ITGAV: variants seen among roughly 807,000 people sequenced by gnomAD.
The protein encoded by ITGAV is integrin alpha-V.
In ITGAV, 76 loss-of-function variants were observed where a neutral mutation model predicts 143.8. That is an observed-to-expected ratio of 0.53 (90% CI 0.44 to 0.64). The LOEUF (loss-of-function observed/expected upper bound fraction) is 0.64, where lower values mean the gene tolerates loss of function less well. Among genes scored for constraint, ITGAV ranks in the 30% least tolerant of loss-of-function variants. The probability of loss-of-function intolerance (pLI) is 0.00; values close to 1 mark genes in which losing one functional copy is unlikely to be tolerated. For synonymous variants in ITGAV, 453 were observed against 446.7 expected, an observed-to-expected ratio of 1.01 and a Z score of -0.18; for missense variants, 1,193 against 1,274.7, an observed-to-expected ratio of 0.94 and a Z score of 0.98.
chr2:186,667,296 C>G, intron 23 of ITGAV, 66 bp downstream of exon 23: 1 of 1,227,510 alleles, frequency 8.1e-7, no homozygotes, highest in East Asian at 2.3e-5. Flanking sequence ...ACTGTCAGGC[C>G]TTAGCCTTTT....
chr2:186,672,790 A>T (rs1168877951), intron 26 of ITGAV, among the ~76,000 whole-genome samples: 1 of 152,152 alleles, frequency 6.6e-6, no homozygotes, highest in Non-Finnish European at 1.5e-5. Context: ...GTTGAGTTGC[A>T]AAGAGTTATT....
intron 2 of ITGAV, among the ~76,000 whole-genome samples, chr2:186,609,004 A>G (rs1283551747): frequency 2.0e-5 from 3 of 152,106 alleles, no homozygotes; most frequent in Non-Finnish European, 4.4e-5. Flanking sequence ...CATTTTATAG[A>G]GATTTAAAAC....
At chr2:186,596,075 C>T (rs568780107) in intron 1 of ITGAV, among the ~76,000 whole-genome samples, 19 of 152,214 alleles carry the variant, frequency 1.2e-4, no homozygotes, top group Non-Finnish European at 1.2e-4. Flanking sequence ...GTTTTCAGGA[C>T]GAAGATGATA....
chr2:186,654,271 T>C (rs1245839448), intron 15 of ITGAV, among the ~76,000 whole-genome samples: 1 of 150,484 alleles, frequency 6.6e-6, no homozygotes, highest in South Asian at 2.1e-4. Flanking sequence ...AGGCAGAGGT[T>C]GCAGTGAGCC....
rs186046975 is a variant in ITGAV at position 186,602,265 on chromosome 2, T to G, written c.316+114T>G. ...AATTATATAGATAAGCACCTCAGCTTCACAGGGAAAATTATATAAAGACAA... is the reference window on the plus strand; with the variant it reads ...AATTATATAGATAAGCACCTCAGCTGCACAGGGAAAATTATATAAAGACAA... On this transcript the variant is annotated intron_variant, in intron 2 of 29. Transcript: ENST00000261023. The G allele has an allele frequency of 2.0e-4, 138 of 706,052 alleles. No individual in the cohort carries two copies. In the East Asian group the frequency reaches 3.8e-3, roughly 19 times the overall value. 43.7% of individuals were successfully genotyped at this position (706,052 alleles called of 1,614,324 possible). A position where few individuals can be genotyped will look rare whatever the true frequency, so the allele number is the denominator to read the frequency against.
chr2:186,664,398 T>A, intron 19 of ITGAV, 96 bp from the exon 20 acceptor site: 1 of 1,177,410 alleles, frequency 8.5e-7, no homozygotes, highest in Admixed American at 2.0e-5. Context: ...GTTGAACATG[T>A]CAGTGCTGTG....
intron 24 of ITGAV, among the ~76,000 whole-genome samples, chr2:186,668,318 C>G: frequency 6.9e-6 from 1 of 144,922 alleles, no homozygotes; most frequent in East Asian, 2.1e-4. Flanking sequence ...CTCCACCTCC[C>G]GGGTTCAAGC....
chr2:186,648,981 TAC>T (rs1559058589), intron 13 of ITGAV, among the ~76,000 whole-genome samples: 3 of 129,652 alleles, frequency 2.3e-5, no homozygotes, highest in Non-Finnish European at 3.2e-5. Flanking sequence ...TGTATATATA[TAC>T]ATTTGTGTGT....
intron 12 of ITGAV, among the ~76,000 whole-genome samples, chr2:186,644,914 G>C (rs1468232326): frequency 6.6e-6 from 1 of 152,134 alleles, no homozygotes; most frequent in Admixed American, 6.5e-5. Flanking sequence ...AGGCATCGTT[G>C]ATGTTTCAGG....
chr2:186,666,534 A>G (rs923285641), intron 21 of ITGAV, among the ~76,000 whole-genome samples, 170 bp from the exon 22 acceptor site: 8 of 152,238 alleles, frequency 5.3e-5, no homozygotes, highest in Admixed American at 5.2e-4. Context: ...GTCCAGGTAT[A>G]TTAAGTAAAA....
chr2:186,667,522 A>ATG, intron 23 of ITGAV, 149 bp from the exon 24 acceptor site: 1 of 524,762 alleles, frequency 1.9e-6, no homozygotes, highest in Non-Finnish European at 3.4e-6. Context: ...GTTTTTGTGC[A>ATG]TGTGTGTGTT....
At chr2:186,667,840 G>C (rs1203201592) in intron 24 of ITGAV, 64 bp downstream of exon 24, 2 of 964,506 alleles carry the variant, frequency 2.1e-6, no homozygotes, top group Non-Finnish European at 1.5e-6. Context: ...GAACAACTAA[G>C]CTACTTTAAA....
intron 5 of ITGAV, among the ~76,000 whole-genome samples, chr2:186,631,298 A>C (rs1313141264): frequency 6.6e-6 from 1 of 152,214 alleles, no homozygotes; most frequent in Non-Finnish European, 1.5e-5. Flanking sequence ...TTATGTGCCT[A>C]TAGGCACTAA....
At chr2:186,608,303 G>GT (rs1687122874) in intron 2 of ITGAV, among the ~76,000 whole-genome samples, 3 of 152,198 alleles carry the variant, frequency 2.0e-5, no homozygotes, top group African/African-American at 7.2e-5. Context: ...CGCAGATGAT[G>GT]TTGCATCAAC....
intron 2 of ITGAV, among the ~76,000 whole-genome samples, chr2:186,613,773 A>C (rs3768780): frequency 7.2e-5 from 11 of 151,918 alleles, no homozygotes; most frequent in Non-Finnish European, 1.6e-4. Context: ...TCTTAAATCA[A>C]TTAACAAACT....
intron 10 of ITGAV, 97 bp from the exon 11 acceptor site, chr2:186,640,817 GA>G (rs967264228): frequency 8.5e-5 from 79 of 934,208 alleles, no homozygotes; most frequent in African/African-American, 5.5e-4. Context: ...TATATGCAGA[GA>G]AAAAAAATAA....
intron 1 of ITGAV, among the ~76,000 whole-genome samples, chr2:186,595,001 G>C (rs907671335): frequency 6.6e-6 from 1 of 152,184 alleles, no homozygotes; most frequent in Admixed American, 6.5e-5. Context: ...TGTGGAAATT[G>C]TAGTTACTGC....
At chr2:186,610,097 C>T (rs1350336712) in intron 2 of ITGAV, among the ~76,000 whole-genome samples, 1 of 151,960 alleles carries the variant, frequency 6.6e-6, no homozygotes, top group Non-Finnish European at 1.5e-5. Context: ...TATTAATTTT[C>T]CTAGTCACTT....
intron 17 of ITGAV, among the ~76,000 whole-genome samples, chr2:186,658,678 C>T (rs1204595130): frequency 1.3e-5 from 2 of 151,844 alleles, no homozygotes; most frequent in Non-Finnish European, 2.9e-5. Context: ...ACATGTAATC[C>T]TATTGAGAAG....
Sources: allele counts gnomAD v4.1 joint callset (sites outside exome capture counted in the v4.1 genomes callset), GRCh38; gene constraint gnomAD v4.1.1; transcripts MANE v1.5; gene names NCBI Gene and HGNC (gene_info 2026-07-23, HGNC 2026-07-21).